Variants in UBE3B observed in about 807,000 individuals in gnomAD.
UBE3B encodes ubiquitin-protein ligase E3B.
A neutral mutation model predicts 132.3 loss-of-function variants in UBE3B; 80 were observed. The observed-to-expected ratio is 0.60, with a 90% CI of 0.50 to 0.73. UBE3B has a LOEUF of 0.73. Ranked by LOEUF, UBE3B falls within the 30% of genes least tolerant of loss-of-function variation. UBE3B has a pLI of 0.00. For synonymous variants in UBE3B, 487 were observed against 520.4 expected, an observed-to-expected ratio of 0.94 and a Z score of 0.87; for missense variants, 1,196 against 1,362.5, an observed-to-expected ratio of 0.88 and a Z score of 1.92.
At chr12:109,495,873 C>T (rs564548718) in intron 9 of UBE3B, among the ~76,000 whole-genome samples, 2 of 152,334 alleles carry the variant, frequency 1.3e-5, no homozygotes, top group African/African-American at 4.8e-5. Context: ...TTCCAGTAGA[C>T]CTACAACCTT....
At chr12:109,510,517 G>A (rs1000980026) in intron 17 of UBE3B, 59 bp downstream of exon 17, 20 of 1,371,908 alleles carry the variant, frequency 1.5e-5, no homozygotes, top group Admixed American at 3.8e-5. Flanking sequence ...CACGCTGCCC[G>A]AGCACTCAGC....
At chr12:109,519,835 G>A (rs1180436632) in intron 19 of UBE3B, 2 of 152,084 alleles carry the variant, frequency 1.3e-5, no homozygotes, top group Non-Finnish European at 2.9e-5. Context: ...TGACTTAGGG[G>A]TCTTGAGAGG....
intron 13 of UBE3B, among the ~76,000 whole-genome samples, chr12:109,501,935 G>T (rs956682586): frequency 6.6e-6 from 1 of 151,908 alleles, no homozygotes; most frequent in East Asian, 1.9e-4. Flanking sequence ...AAGTGCTGGG[G>T]TGACATATAT....
chr12:109,518,028 T>C (rs1359210443), intron 19 of UBE3B: 2 of 393,410 alleles, frequency 5.1e-6, no homozygotes, highest in East Asian at 1.5e-4. Context: ...GCATAAGGAA[T>C]TGAAGGGCCC....
chr12:109,483,966 C>G lies in UBE3B; in HGVS notation c.267C>G (p.Ile89Met). The G allele has an allele frequency of 6.2e-7, 1 of 1,613,406 alleles. No individual in the cohort carries two copies. Among genetic ancestry groups the G allele is most frequent in the South Asian group, 1.1e-5 (1 of 90,774 alleles). ...IARKLLFLFRIKEDNERFEKL... is the reference protein window; with the variant it reads ...IARKLLFLFRMKEDNERFEKL... ...GGAAACTGCTGTTCCTATTCAGAAT[C>G]AAAGAGGATAATGAGGTAAAACGAT... The change falls in exon 4 of 28, where the codon ATC becomes ATG. Residue 89 changes from isoleucine to methionine, a missense_variant. Transcript: ENST00000342494.
Position 109,511,335 on chromosome 12 carries a change from G to A in UBE3B, c.1956+32G>A, listed in dbSNP as rs917004174. The A allele has an allele frequency of 3.1e-6, 5 of 1,597,434 alleles. No individual in the cohort carries two copies. The African/African-American group carries it at 6.7e-5, about 21-fold the overall frequency. Reference sequence around the variant, plus strand: ...TGCACTCAGAGCTGGGCCCCGATGTGTCTTTCTATTCCCCCACGTGGTTCC... The same window carrying A: ...TGCACTCAGAGCTGGGCCCCGATGTATCTTTCTATTCCCCCACGTGGTTCC... On this transcript the variant is annotated intron_variant, in intron 18 of 27. Coordinates refer to ENST00000342494, the MANE Select transcript of UBE3B (RefSeq NM_130466.4).
chr12:109,498,017 C>G, intron 10 of UBE3B, 94 bp downstream of exon 10: 1 of 1,408,344 alleles, frequency 7.1e-7, no homozygotes, highest in Non-Finnish European at 1.0e-6. Context: ...CTGCTTATTT[C>G]CACACCTCCC....
intron 14 of UBE3B, among the ~76,000 whole-genome samples, chr12:109,505,263 C>CT (rs1879519441): frequency 6.6e-6 from 1 of 152,154 alleles, no homozygotes; most frequent in Non-Finnish European, 1.5e-5. Context: ...TAGGAAGTGT[C>CT]TGTTTGTGCT....
rs765491401 is a variant in UBE3B at position 109,509,550 on chromosome 12, G to A, written c.1623-46G>A. 39 of 1,336,312 alleles carry A rather than the reference G, an allele frequency of 2.9e-5. No homozygotes were observed. In the South Asian group the frequency reaches 4.1e-4, roughly 14 times the overall value. The allele number at this position is 1,336,312 out of a possible 1,614,324, so 82.8% of individuals were successfully genotyped here. On this transcript the variant is annotated intron_variant, in intron 15 of 27. Transcript: ENST00000342494. ...AGCAGTACAGATTTTTTTTCTCTTC[G>A]CCTTTTTTCAGTGTGGAATTGTGGG...
At chr12:109,545,902 T>A in the UBE3B span, among the ~76,000 whole-genome samples, 1 of 152,300 alleles carries the variant, frequency 6.6e-6, no homozygotes, top group Non-Finnish European at 1.5e-5. Context: ...AAGGCAGAGC[T>A]GGATTTCAGG....
At chr12:109,508,930 C>G in intron 15 of UBE3B, 1 of 187,756 alleles carries the variant, frequency 5.3e-6, no homozygotes, top group Non-Finnish European at 9.9e-6. Context: ...AACATCGACT[C>G]TCAGTCAATG....
At chr12:109,480,799 A>G (rs1197460872) in intron 1 of UBE3B, among the ~76,000 whole-genome samples, 1 of 152,204 alleles carries the variant, frequency 6.6e-6, no homozygotes, top group Non-Finnish European at 1.5e-5. Context: ...TTTAGAAAAT[A>G]CAGACCAATT....
downstream of UBE3B, among the ~76,000 whole-genome samples, chr12:109,537,471 G>T (rs1318943523): frequency 6.6e-6 from 1 of 152,194 alleles, no homozygotes; most frequent in African/African-American, 2.4e-5. Context: ...CACAAACTTG[G>T]CTTGTTAGGA....
Position 109,486,676 on chromosome 12 carries a change from C to CGA in UBE3B, c.447+105_447+106dup. ...TCTGTATTTTCAGAGTCACTATCAA[C>CGA]GAGAGTTGCTAGTTGAGCCACTGTT... On this transcript the variant is annotated intron_variant, in intron 6 of 27. Transcript: ENST00000342494. The CGA allele has an allele frequency of 4.2e-6, 4 of 956,284 alleles. No individual in the cohort carries two copies. The South Asian group carries it at 7.0e-5, about 17-fold the overall frequency. The allele number at this position is 956,284 out of a possible 1,614,324, so 59.2% of individuals were successfully genotyped here. A position where few individuals can be genotyped will look rare whatever the true frequency, so the allele number is the denominator to read the frequency against.
At chr12:109,527,645 G>A (rs1882495975) in intron 24 of UBE3B, among the ~76,000 whole-genome samples, 1 of 152,202 alleles carries the variant, frequency 6.6e-6, no homozygotes, top group Non-Finnish European at 1.5e-5. Flanking sequence ...TTGCTCCTTG[G>A]CCACAGGGCA....
chr12:109,484,929 G>A (rs717260), intron 4 of UBE3B, among the ~76,000 whole-genome samples: 7,824 of 151,734 alleles, frequency 0.052, 280 homozygotes, highest in Middle Eastern at 0.082. Context: ...GCAAGTTTTT[G>A]TATTTTTTGT....
At position 109,522,096 on chromosome 12, in the gene UBE3B, T is replaced by G. The variant is rs547437777; in HGVS notation, c.2364+545T>G. ...CCGTGTGACCATGTGCCTTCAAGTT[T>G]CTTTAGTTTTTAAGCCGTGTTCTCG... is the stretch of plus-strand genomic sequence containing the variant. On this transcript the variant is annotated intron_variant, in intron 21 of 27. Transcript: ENST00000342494. This position sits in a 1 kb window ranked among gnomAD's most constrained non-coding sequence, Gnocchi z 4.2. 6.6e-6 allele frequency among the ~76,000 whole-genome samples: 1 copy of G among 152,316 alleles called. No homozygotes were observed. The highest frequency in any genetic ancestry group is 2.1e-4 in the South Asian group (1 of 4,822).
chr12:109,541,773 C>G, the UBE3B span, among the ~76,000 whole-genome samples: 2 of 152,318 alleles, frequency 1.3e-5, no homozygotes, highest in East Asian at 3.9e-4. Context: ...GCCTGCCCTG[C>G]CTCTTCTAGC....
At chr12:109,526,865 C>G (rs1365241421) in intron 24 of UBE3B, among the ~76,000 whole-genome samples, 1 of 110,352 alleles carries the variant, frequency 9.1e-6, no homozygotes, top group Non-Finnish European at 1.9e-5. Context: ...AGTGAGACTC[C>G]GTCTCAAAAA....
Sources: gnomAD v4.1 joint callset for allele counts (sites outside exome capture counted in the v4.1 genomes callset) on GRCh38, gnomAD v4.1.1 for gene constraint, Gnocchi (gnomAD v3.1) non-coding constraint, MANE v1.5 for transcripts, NCBI Gene and HGNC (gene_info 2026-07-23, HGNC 2026-07-21) for gene names.